Variants in RIN2 observed in about 807,000 individuals in gnomAD.
RIN2 encodes the protein Ras and Rab interactor 2.
Under a neutral mutation model 78.0 loss-of-function variants are expected in RIN2, and 36 were observed. The ratio of observed to expected loss-of-function variants is 0.46; its 90% CI spans 0.35 to 0.61. The LOEUF is 0.61. Among genes scored for constraint, RIN2 ranks in the 20% least tolerant of loss-of-function variants. The probability of loss-of-function intolerance (pLI) is 0.00; values close to 1 mark genes in which losing one functional copy is unlikely to be tolerated. For missense variants in RIN2, 1,087 were observed against 1,159.7 expected (o/e 0.94, Z 0.91); for synonymous variants, 466 against 466.8 (o/e 1.00, Z 0.02).
chr20:19,866,845 G>A (rs374184435), intron 2 of RIN2, among the ~76,000 whole-genome samples: 65 of 151,860 alleles, frequency 4.3e-4, no homozygotes, highest in Middle Eastern at 3.2e-3. Flanking sequence ...GGCTGATCTC[G>A]ATCTCCTGAC....
At chr20:19,869,831 T>TATTGATTG (rs1219910035) in intron 2 of RIN2, among the ~76,000 whole-genome samples, 1 of 151,254 alleles carries the variant, frequency 6.6e-6, no homozygotes, top group African/African-American at 2.4e-5. Flanking sequence ...TTTATTTATT[T>TATTGATTG]ATTGTAGAGA....
At chr20:19,769,566 A>T (rs2034034329) in intron 1 of RIN2, among the ~76,000 whole-genome samples, 1 of 152,226 alleles carries the variant, frequency 6.6e-6, no homozygotes, top group Non-Finnish European at 1.5e-5. Context: ...TTGGATATGT[A>T]AATTACTTCA....
chr20:19,940,207 A>G (rs2424251), intron 4 of RIN2, among the ~76,000 whole-genome samples: 85,201 of 151,858 alleles, frequency 0.56, 24,815 homozygotes, highest in Non-Finnish European at 0.64. Context: ...GAGACCAGGG[A>G]CTGGGTCTGT....
intron 1 of RIN2, among the ~76,000 whole-genome samples, chr20:19,771,584 C>T (rs1252682051): frequency 6.6e-6 from 1 of 152,164 alleles, no homozygotes; most frequent in African/African-American, 2.4e-5. Context: ...CTCGAGGGGT[C>T]CAGCTCCCTT....
chr20:19,819,347 C>G (rs2035863842), intron 2 of RIN2, among the ~76,000 whole-genome samples: 1 of 152,112 alleles, frequency 6.6e-6, no homozygotes, highest in African/African-American at 2.4e-5. Flanking sequence ...GGGCACTAAT[C>G]CCATCACAAG....
intron 4 of RIN2, among the ~76,000 whole-genome samples, chr20:19,944,096 T>C (rs746824233): frequency 1.3e-4 from 20 of 151,880 alleles, no homozygotes; most frequent in Non-Finnish European, 2.9e-4. Flanking sequence ...TCAACTTCTA[T>C]GTATTTTTGA....
rs1329328005 is a variant in RIN2 at position 19,989,859 on chromosome 20, G to T, written c.1763-147G>T. On this transcript the variant is annotated intron_variant, in intron 9 of 12. Coordinates refer to ENST00000255006, the MANE Select transcript of RIN2 (RefSeq NM_018993.4). ...AACATGTGAGTTATGGCGCTGCTTGGTGTTGTCTGTTGGTTGGATGTTAAG... is the reference window on the plus strand; with the variant it reads ...AACATGTGAGTTATGGCGCTGCTTGTTGTTGTCTGTTGGTTGGATGTTAAG... 3.5e-5 allele frequency: 25 copies of T among 719,972 alleles called. No homozygotes were observed. In the Admixed American group the frequency reaches 7.9e-4, roughly 23 times the overall value. The allele number at this position is 719,972 out of a possible 1,614,324, so 44.6% of individuals were successfully genotyped here.
chr20:19,799,748 G>T lies in RIN2; in HGVS notation c.-37+1G>T, dbSNP rs536121243. 5.2e-5 allele frequency: 8 copies of T among 152,384 alleles called. No homozygotes were observed. The highest frequency in any genetic ancestry group is 3.9e-4 in the Admixed American group (6 of 15,302). 9.4% of individuals were successfully genotyped at this position (152,384 alleles called of 1,614,324 possible). ...GGAGAAGAGATGCTGGCGTGAAGGG[G>T]TACGTAGCAGCGAGACCATAAACCC... On this transcript the variant is annotated splice_donor_variant, in intron 2 of 12. Coordinates refer to ENST00000255006, the MANE Select transcript of RIN2 (RefSeq NM_018993.4). LOFTEE classifies it low-confidence loss of function (5UTR_SPLICE).
chr20:19,945,540 A>C (rs2041055892), intron 4 of RIN2, among the ~76,000 whole-genome samples: 1 of 152,086 alleles, frequency 6.6e-6, no homozygotes, highest in African/African-American at 2.4e-5. Context: ...CCTAAATCTC[A>C]TTCTCCGTGC....
intron 3 of RIN2, among the ~76,000 whole-genome samples, chr20:19,893,917 C>T (rs2038599894): frequency 6.6e-6 from 1 of 152,052 alleles, no homozygotes; most frequent in Admixed American, 6.6e-5. Context: ...ACTGAAAATA[C>T]AAAAATTAGC....
chr20:19,989,333 G>A (rs1247716537), intron 9 of RIN2, among the ~76,000 whole-genome samples: 1 of 149,170 alleles, frequency 6.7e-6, no homozygotes, highest in East Asian at 2.0e-4. Flanking sequence ...GAGTGCAGTG[G>A]CACAATCTTG....
chr20:19,872,937 C>G (rs1301598229), intron 2 of RIN2, among the ~76,000 whole-genome samples: 14 of 151,968 alleles, frequency 9.2e-5, no homozygotes, highest in Admixed American at 9.2e-4. Flanking sequence ...CTTGTACTCT[C>G]TACATATATT....
chr20:19,889,015 G>A, intron 2 of RIN2: 1 of 542,218 alleles, frequency 1.8e-6, no homozygotes, highest in Non-Finnish European at 2.3e-6. Flanking sequence ...ACTGATCCCT[G>A]TAAACAGTGA....
chr20:19,960,738 AGTCC>A lies in RIN2; in HGVS notation c.391_394del (p.Val131SerfsTer18). On this transcript the variant is annotated frameshift_variant, in exon 6 of 13. Coordinates refer to ENST00000255006, the MANE Select transcript of RIN2 (RefSeq NM_018993.4). LOFTEE classifies it high-confidence loss of function. ...ATAAATCTACCAAGATGCAGAAGAA[AGTCC>A]TCTCCCTCCGCCTGCCCTGTGAATT... The A allele has an allele frequency of 6.2e-7, 1 of 1,604,998 alleles. No individual in the cohort carries two copies. Among genetic ancestry groups the A allele is most frequent in the South Asian group, 1.1e-5 (1 of 88,582 alleles).
At chr20:19,816,961 T>A (rs935558633) in intron 2 of RIN2, among the ~76,000 whole-genome samples, 1 of 152,190 alleles carries the variant, frequency 6.6e-6, no homozygotes, top group Non-Finnish European at 1.5e-5. Context: ...ATGAATACAA[T>A]ATTGGCATGA....
At chr20:19,782,268 G>A (rs905148410) in intron 1 of RIN2, among the ~76,000 whole-genome samples, 5 of 152,134 alleles carry the variant, frequency 3.3e-5, no homozygotes, top group Non-Finnish European at 1.5e-5. Flanking sequence ...CATGAGATAC[G>A]TATTTTAAAA....
intron 3 of RIN2, among the ~76,000 whole-genome samples, chr20:19,933,135 C>T (rs1391701742): frequency 6.6e-6 from 1 of 152,216 alleles, no homozygotes; most frequent in African/African-American, 2.4e-5. Context: ...TCCTGTTTCT[C>T]ATCTTGCCCT....
At chr20:19,904,650 G>A (rs1342930761) in intron 3 of RIN2, among the ~76,000 whole-genome samples, 5 of 152,328 alleles carry the variant, frequency 3.3e-5, no homozygotes, top group East Asian at 3.9e-4. Flanking sequence ...ATGGCAGGCC[G>A]GAAGGGCAGG....
chr20:19,986,357 C>A (rs749168565), intron 9 of RIN2, among the ~76,000 whole-genome samples: 15 of 150,922 alleles, frequency 9.9e-5, no homozygotes, highest in Non-Finnish European at 1.6e-4. Context: ...GGATAAACCT[C>A]TGAAAAAAAA....
Sources: gnomAD v4.1 joint callset for allele counts (sites outside exome capture counted in the v4.1 genomes callset) on GRCh38, gnomAD v4.1.1 for gene constraint, MANE v1.5 for transcripts, NCBI Gene and HGNC (gene_info 2026-07-23, HGNC 2026-07-21) for gene names.